The following CYP19A1 variants were observed in gnomAD, a reference collection of about 807,000 sequenced individuals.
The protein encoded by CYP19A1 is aromatase.
A neutral mutation model predicts 44.4 loss-of-function variants in CYP19A1; 32 were observed. The ratio of observed to expected loss-of-function variants is 0.72; its 90% CI spans 0.54 to 0.97. The LOEUF is 0.97. CYP19A1 is among the 50% of genes least tolerant of loss of function. The probability of loss-of-function intolerance (pLI) is 0.00; values close to 1 mark genes in which losing one functional copy is unlikely to be tolerated. For synonymous variants in CYP19A1, 212 were observed against 215.6 expected, an observed-to-expected ratio of 0.98 and a Z score of 0.14; for missense variants, 598 against 637.8, an observed-to-expected ratio of 0.94 and a Z score of 0.67.
At chr15:51,290,853 CA>C (rs770639001) in intron 1 of CYP19A1, among the ~76,000 whole-genome samples, 8 of 152,230 alleles carry the variant, frequency 5.3e-5, no homozygotes, top group Non-Finnish European at 8.8e-5. Context: ...GGCTTTTAAG[CA>C]GCTTGGCTGG....
chr15:51,220,719 CT>C (rs1301550372), intron 5 of CYP19A1, among the ~76,000 whole-genome samples: 3 of 152,080 alleles, frequency 2.0e-5, no homozygotes, highest in South Asian at 2.1e-4. Context: ...AAACATTTAT[CT>C]TTTCTTTATG....
At chr15:51,275,051 T>TG (rs2035257695) in intron 1 of CYP19A1, among the ~76,000 whole-genome samples, 1 of 152,180 alleles carries the variant, frequency 6.6e-6, no homozygotes, top group African/African-American at 2.4e-5. Context: ...GCTCCGCTTG[T>TG]GGTTTGGCTT....
chr15:51,215,789 G>A lies in CYP19A1; in HGVS notation c.772C>T (p.Leu258=), dbSNP rs2141043828. 6.2e-7 allele frequency: 1 copy of A among 1,613,834 alleles called. No homozygotes were observed. The highest frequency in any genetic ancestry group is 2.2e-5 in the East Asian group (1 of 44,830). ...ATCCTGCGTCTTTTTTCTGCTATCAGAACTTCTATGGCATCTTTCAAATCC... is the reference window on the plus strand; with the variant it reads ...ATCCTGCGTCTTTTTTCTGCTATCAAAACTTCTATGGCATCTTTCAAATCC... ...VKDLKDAIEV[L]IAEKRRRIST... The change falls in exon 7 of 10, where the codon CTG becomes TTG. Residue 258 remains leucine, a synonymous_variant. Transcript: ENST00000396402.
At chr15:51,323,419 T>C (rs2445761) in intron 1 of CYP19A1, among the ~76,000 whole-genome samples, 85,914 of 151,706 alleles carry the variant, frequency 0.57, 26,964 homozygotes, top group African/African-American at 0.84. Flanking sequence ...GTGGGATCAA[T>C]GATAAACGGA....
chr15:51,267,402 C>T (rs184169438), intron 1 of CYP19A1, among the ~76,000 whole-genome samples: 53 of 152,312 alleles, frequency 3.5e-4, no homozygotes, highest in Admixed American at 3.3e-4. Context: ...GTCCACCTGT[C>T]TCGGCAGGGT....
intron 1 of CYP19A1, among the ~76,000 whole-genome samples, chr15:51,274,389 G>A (rs2140958783): frequency 6.6e-6 from 1 of 152,306 alleles, no homozygotes; most frequent in Middle Eastern, 3.4e-3. Context: ...CCCTGAGTGG[G>A]GAGGGAATGG....
chr15:51,286,100 A>G (rs1022468741), intron 1 of CYP19A1, among the ~76,000 whole-genome samples: 8 of 152,100 alleles, frequency 5.3e-5, no homozygotes, highest in Admixed American at 5.2e-4. Flanking sequence ...CTTGGGAAAG[A>G]TTTGCCCTCT....
At chr15:51,331,836 G>C (rs1174265592) in intron 1 of CYP19A1, among the ~76,000 whole-genome samples, 1 of 151,450 alleles carries the variant, frequency 6.6e-6, no homozygotes, top group African/African-American at 2.4e-5. Flanking sequence ...TTTGTTATTT[G>C]CATTTGCCTG....
chr15:51,246,741 C>A (rs1430859568), intron 1 of CYP19A1, among the ~76,000 whole-genome samples: 1 of 152,324 alleles, frequency 6.6e-6, no homozygotes, highest in East Asian at 1.9e-4. Context: ...CCTTGTGGAA[C>A]TTCTGCCTAG....
chr15:51,227,611 A>G (rs2032689451), intron 4 of CYP19A1, among the ~76,000 whole-genome samples, 168 bp downstream of exon 4: 1 of 151,936 alleles, frequency 6.6e-6, no homozygotes, highest in Non-Finnish European at 1.5e-5. Context: ...CGGAGGTTAC[A>G]GTGAGCCAAG....
intron 1 of CYP19A1, among the ~76,000 whole-genome samples, chr15:51,283,645 A>C (rs2140976855): frequency 6.6e-6 from 1 of 152,356 alleles, no homozygotes; most frequent in Non-Finnish European, 1.5e-5. Flanking sequence ...AGGAATGTAG[A>C]AAAGGAAATC....
At chr15:51,335,072 A>G (rs1008053574) in intron 1 of CYP19A1, among the ~76,000 whole-genome samples, 2 of 152,030 alleles carry the variant, frequency 1.3e-5, no homozygotes, top group African/African-American at 2.4e-5. Flanking sequence ...CTGATCCCTA[A>G]TAACCATTTT....
rs1459428425 is a variant in CYP19A1, at chr15:51,209,070, G to T, written c.*1738C>A. 6.6e-6 allele frequency: 1 copy of T among 152,164 alleles called. No individual in the cohort carries two copies. The highest frequency in any genetic ancestry group is 2.4e-5 in the African/African-American group (1 of 41,440). 9.4% of individuals were successfully genotyped at this position (152,164 alleles called of 1,614,324 possible). On this transcript the variant is annotated 3_prime_UTR_variant, in exon 10 of 10. Transcript: ENST00000396402. ...CCTGGCCTTGCTTTTAGGGGTCTAA[G>T]TTATTTGGATGATTGTCTTGACCTG...
chr15:51,298,214 T>A (rs1470161313), intron 1 of CYP19A1, among the ~76,000 whole-genome samples: 2 of 152,230 alleles, frequency 1.3e-5, no homozygotes, highest in Non-Finnish European at 2.9e-5. Flanking sequence ...CTGATTTGGA[T>A]ATGCCACCAG....
chr15:51,321,197 G>A (rs527715671), intron 1 of CYP19A1, among the ~76,000 whole-genome samples: 2 of 152,266 alleles, frequency 1.3e-5, no homozygotes, highest in South Asian at 2.1e-4. Context: ...CCACATAGAA[G>A]TCATCTGTGA....
chr15:51,326,123 T>C (rs1425954451), intron 1 of CYP19A1, among the ~76,000 whole-genome samples: 2 of 152,184 alleles, frequency 1.3e-5, no homozygotes, highest in African/African-American at 4.8e-5. Flanking sequence ...AGTTGAATCA[T>C]TATAAGTCAG....
At chr15:51,324,471 C>A (rs1032220531) in intron 1 of CYP19A1, among the ~76,000 whole-genome samples, 7 of 152,146 alleles carry the variant, frequency 4.6e-5, no homozygotes, top group African/African-American at 1.7e-4. Flanking sequence ...CTGATTGAGC[C>A]CCACTCTGAT....
chr15:51,314,364 A>G (rs773928702), intron 1 of CYP19A1, among the ~76,000 whole-genome samples: 1 of 152,082 alleles, frequency 6.6e-6, no homozygotes. Context: ...TCATGGTGGA[A>G]GCCAGTATCT....
At chr15:51,304,309 A>G (rs1359321765) in intron 1 of CYP19A1, among the ~76,000 whole-genome samples, 1 of 152,122 alleles carries the variant, frequency 6.6e-6, no homozygotes, top group Admixed American at 6.5e-5. Context: ...TGTGGAAACC[A>G]TTGCTTCCAC....
Sources: allele counts gnomAD v4.1 joint callset (sites outside exome capture counted in the v4.1 genomes callset), GRCh38; gene constraint gnomAD v4.1.1; transcripts MANE v1.5; gene names NCBI Gene and HGNC (gene_info 2026-07-23, HGNC 2026-07-21).